TRHDE: variants seen among roughly 807,000 people sequenced by gnomAD.
TRHDE encodes thyrotropin releasing hormone degrading enzyme, also known as thyrotropin-releasing hormone-degrading ectoenzyme.
Under a neutral mutation model 125.7 loss-of-function variants are expected in TRHDE, and 72 were observed. The ratio of observed to expected loss-of-function variants is 0.57; its 90% CI spans 0.47 to 0.70. TRHDE has a LOEUF of 0.70. Ranked by LOEUF, TRHDE falls within the 30% of genes least tolerant of loss-of-function variation. The pLI is 0.00. For synonymous variants in TRHDE, 509 were observed against 509.1 expected (o/e 1.00, Z 0.00); for missense variants, 1,110 against 1,327.1 (o/e 0.84, Z 2.54).
chr12:72,479,399 A>G (rs993682616), intron 5 of TRHDE, among the ~76,000 whole-genome samples: 1 of 152,086 alleles, frequency 6.6e-6, no homozygotes, highest in Non-Finnish European at 1.5e-5. Context: ...TGTTTCTTTC[A>G]TTGCTTCAAA....
chr12:72,171,885 T>A (rs1487270036), intron 2 of TRHDE, among the ~76,000 whole-genome samples: 1 of 152,196 alleles, frequency 6.6e-6, no homozygotes, highest in Non-Finnish European at 1.5e-5. Context: ...TTTGTGAGAC[T>A]TTAAGTTGCC....
chr12:72,455,960 C>T (rs902749170), intron 3 of TRHDE, among the ~76,000 whole-genome samples: 2 of 151,614 alleles, frequency 1.3e-5, no homozygotes, highest in Admixed American at 6.6e-5. Flanking sequence ...CAAAATTTGG[C>T]TAATCTTAAT....
chr12:72,580,198 G>A (rs563507838), intron 12 of TRHDE, among the ~76,000 whole-genome samples: 2 of 152,078 alleles, frequency 1.3e-5, no homozygotes, highest in Non-Finnish European at 2.9e-5. Context: ...ATTTATTCAG[G>A]TCCCAAAGTT....
chr12:72,211,117 C>T (rs574987284), intron 2 of TRHDE, among the ~76,000 whole-genome samples: 1 of 152,268 alleles, frequency 6.6e-6, no homozygotes, highest in African/African-American at 2.4e-5. Flanking sequence ...CAGGAACCCT[C>T]TGTCTTTTTT....
At chr12:72,363,571 CG>C (rs1871213676) in intron 2 of TRHDE, among the ~76,000 whole-genome samples, 1 of 152,012 alleles carries the variant, frequency 6.6e-6, no homozygotes, top group African/African-American at 2.4e-5. Flanking sequence ...AATTCAACAA[CG>C]CTTCATGCTA....
intron 9 of TRHDE, among the ~76,000 whole-genome samples, chr12:72,564,726 G>GA (rs1870355827): frequency 8.0e-6 from 1 of 124,404 alleles, no homozygotes; most frequent in Non-Finnish European, 1.6e-5. Context: ...GGAGTGCAGT[G>GA]ACGCGATCTC....
At chr12:72,109,528 C>T (rs1326022844) in intron 2 of TRHDE, among the ~76,000 whole-genome samples, 1 of 152,032 alleles carries the variant, frequency 6.6e-6, no homozygotes, top group South Asian at 2.1e-4. Flanking sequence ...CAACTAGGCT[C>T]CTACTGTTTC....
intron 2 of TRHDE, among the ~76,000 whole-genome samples, chr12:72,374,599 C>T (rs1021700560): frequency 1.3e-5 from 2 of 152,120 alleles, no homozygotes; most frequent in Admixed American, 1.3e-4. Context: ...AAGGAGGAAT[C>T]GGGCAGGAGA....
At chr12:72,561,397 A>G (rs1001417502) in intron 7 of TRHDE, among the ~76,000 whole-genome samples, 4 of 152,208 alleles carry the variant, frequency 2.6e-5, no homozygotes, top group Admixed American at 6.5e-5. Context: ...CACTATTTTC[A>G]TATTCATATT....
intron 2 of TRHDE, among the ~76,000 whole-genome samples, chr12:72,361,064 G>A (rs527275130): frequency 6.6e-6 from 1 of 151,908 alleles, no homozygotes; most frequent in African/African-American, 2.4e-5. Context: ...CCACTTATAA[G>A]TGAGAACATG....
intron 2 of TRHDE, among the ~76,000 whole-genome samples, chr12:72,183,779 TTGTC>T (rs1877145949): frequency 2.0e-5 from 3 of 152,156 alleles, no homozygotes; most frequent in African/African-American, 4.8e-5. Context: ...TTTGCACAGT[TTGTC>T]TGTGCAAAAT....
At chr12:72,238,185 G>A (rs1412748607) in intron 2 of TRHDE, among the ~76,000 whole-genome samples, 1 of 148,102 alleles carries the variant, frequency 6.8e-6, no homozygotes, top group Non-Finnish European at 1.5e-5. Flanking sequence ...TCCTTTAGAA[G>A]CCATCGTAAT....
chr12:72,542,877 G>A (rs1184063694), intron 7 of TRHDE, among the ~76,000 whole-genome samples: 1 of 151,212 alleles, frequency 6.6e-6, no homozygotes, highest in Non-Finnish European at 1.5e-5. Flanking sequence ...AAAAGATACA[G>A]TTTTTATCAT....
At chr12:72,156,480 C>T (rs575157680) in intron 2 of TRHDE, among the ~76,000 whole-genome samples, 7 of 152,268 alleles carry the variant, frequency 4.6e-5, no homozygotes, top group Admixed American at 6.5e-5. Context: ...CCGTCTTCTG[C>T]GTCACTCATG....
intron 15 of TRHDE, among the ~76,000 whole-genome samples, chr12:72,637,355 T>C (rs1873806730): frequency 6.6e-6 from 1 of 152,246 alleles, no homozygotes. Flanking sequence ...TGATATCCCC[T>C]TTATCATCTT....
chr12:72,175,714 C>A (rs1259307085), intron 2 of TRHDE, among the ~76,000 whole-genome samples: 1 of 152,142 alleles, frequency 6.6e-6, no homozygotes, highest in Non-Finnish European at 1.5e-5. Context: ...AAGTACAGCC[C>A]ATTAAAAGTA....
At chr12:72,253,590 A>G (rs556937202) in intron 2 of TRHDE, 1 of 152,156 alleles carries the variant, frequency 6.6e-6, no homozygotes, top group Non-Finnish European at 1.5e-5. Context: ...TTGCTCACAC[A>G]TCTCCTTTCC....
At chr12:72,618,387 G>T (rs1045040922) in intron 12 of TRHDE, among the ~76,000 whole-genome samples, 1 of 152,000 alleles carries the variant, frequency 6.6e-6, no homozygotes, top group Non-Finnish European at 1.5e-5. Context: ...TTTAAAAAAA[G>T]GTTTGAAAAA....
chr12:72,613,385 T>C (rs1298962913), intron 12 of TRHDE, among the ~76,000 whole-genome samples: 1 of 152,228 alleles, frequency 6.6e-6, no homozygotes, highest in Admixed American at 6.5e-5. Context: ...TAATAAAATT[T>C]TCTCATTCTG....
Sources: allele counts gnomAD v4.1 joint callset (sites outside exome capture counted in the v4.1 genomes callset), GRCh38; gene constraint gnomAD v4.1.1; transcripts MANE v1.5; gene names NCBI Gene and HGNC (gene_info 2026-07-23, HGNC 2026-07-21).